The following PCSK5 variants were observed in gnomAD, a reference collection of about 807,000 sequenced individuals.
PCSK5 encodes the protein prohormone convertase 5.
Under a neutral mutation model 233.2 loss-of-function variants are expected in PCSK5, and 129 were observed. The observed-to-expected ratio is 0.55, with a 90% CI of 0.48 to 0.64. PCSK5 has a LOEUF of 0.64. Among genes scored for constraint, PCSK5 ranks in the 30% least tolerant of loss-of-function variants. PCSK5 has a pLI of 0.00. For synonymous variants in PCSK5, 825 were observed against 879.2 expected, an observed-to-expected ratio of 0.94 and a Z score of 1.09; for missense variants, 2,076 against 2,430.1, an observed-to-expected ratio of 0.85 and a Z score of 3.06.
intron 7 of PCSK5, among the ~76,000 whole-genome samples, chr9:76,089,033 C>G (rs918803914): frequency 1.3e-5 from 2 of 150,192 alleles, no homozygotes; most frequent in African/African-American, 4.9e-5. Context: ...TTCGGAAATG[C>G]TAGTCAGAAT....
At chr9:76,239,298 C>G in intron 23 of PCSK5, 133 bp downstream of exon 23, 1 of 683,550 alleles carries the variant, frequency 1.5e-6, no homozygotes, top group East Asian at 2.7e-5. Flanking sequence ...TGACTCCCAA[C>G]CCTAGTGGGG....
intron 2 of PCSK5, among the ~76,000 whole-genome samples, chr9:75,936,202 G>A (rs963271548): frequency 3.9e-5 from 6 of 152,176 alleles, no homozygotes; most frequent in African/African-American, 1.4e-4. Flanking sequence ...GGAGGGTTTT[G>A]CCTCAATGTT....
At chr9:76,351,485 A>AAAG (rs1279252564) in intron 36 of PCSK5, among the ~76,000 whole-genome samples, 10 of 97,668 alleles carry the variant, frequency 1.0e-4, no homozygotes, top group African/African-American at 3.5e-4. Flanking sequence ...AGAAAGAAAG[A>AAAG]AAGAAAGAAA....
At chr9:76,114,987 T>C (rs1228015530) in intron 9 of PCSK5, among the ~76,000 whole-genome samples, 1 of 152,070 alleles carries the variant, frequency 6.6e-6, no homozygotes, top group Non-Finnish European at 1.5e-5. Flanking sequence ...GAGAAGTGGG[T>C]AGATTTGATG....
chr9:76,338,231 T>G lies in PCSK5; in HGVS notation c.4750T>G (p.Tyr1584Asp). 6.2e-7 allele frequency: 1 copy of G among 1,609,494 alleles called. No homozygotes were observed. Among genetic ancestry groups the G allele is most frequent in the Non-Finnish European group, 8.5e-7 (1 of 1,177,788 alleles). ...KECLLQCREG[Y>D]YADNSTGRCE... is the part of the protein sequence containing the mutation. ...TCTTTTCTTCTCCTTTGGTTTCAGA[T>G]ATTACGCAGACAACTCCACTGGCCG... The change falls in exon 35 of 38, where the codon TAT becomes GAT. Residue 1584 changes from tyrosine to aspartate, a missense_variant and splice_region_variant. Coordinates refer to ENST00000674117, the MANE Select transcript of PCSK5 (RefSeq NM_001372043.1).
chr9:76,289,494 C>CACACACACACGCAACAT (rs1564159426), intron 24 of PCSK5, among the ~76,000 whole-genome samples: 3 of 128,054 alleles, frequency 2.3e-5, no homozygotes, highest in African/African-American at 9.4e-5. Flanking sequence ...CACACACACA[C>CACACACACACGCAACAT]ACACACACAC....
chr9:75,989,097 T>C (rs1826652584), intron 3 of PCSK5, among the ~76,000 whole-genome samples: 1 of 152,212 alleles, frequency 6.6e-6, no homozygotes. Context: ...GTTCCATACC[T>C]TATGCTTCTC....
At chr9:76,050,502 T>C (rs1829584714) in intron 5 of PCSK5, among the ~76,000 whole-genome samples, 1 of 152,228 alleles carries the variant, frequency 6.6e-6, no homozygotes, top group Non-Finnish European at 1.5e-5. Flanking sequence ...GTTCTAATTA[T>C]AAAATTTTCT....
chr9:76,288,850 C>A (rs1411445202), intron 24 of PCSK5, among the ~76,000 whole-genome samples: 1 of 152,204 alleles, frequency 6.6e-6, no homozygotes, highest in Non-Finnish European at 1.5e-5. Flanking sequence ...AAAATATCTC[C>A]TTTCCAATAC....
chr9:76,132,830 G>A (rs1421904797), intron 9 of PCSK5, among the ~76,000 whole-genome samples: 1 of 152,012 alleles, frequency 6.6e-6, no homozygotes, highest in Non-Finnish European at 1.5e-5. Context: ...AAATGAAGGA[G>A]CCAGAATCTG....
rs540994075 is a variant in PCSK5 at position 76,220,401 on chromosome 9, C to A, written c.2627-7102C>A. On this transcript the variant is annotated intron_variant, in intron 20 of 37. Coordinates refer to ENST00000674117, the MANE Select transcript of PCSK5 (RefSeq NM_001372043.1). ...AATCAGCTGGGCGTGGTGGTGGGCGCCTGTAGTCCCAGCTACTCGGAAGGC... is the reference window on the plus strand; with the variant it reads ...AATCAGCTGGGCGTGGTGGTGGGCGACTGTAGTCCCAGCTACTCGGAAGGC... Among the ~76,000 whole-genome samples, 126 of 151,912 alleles carry A rather than the reference C, an allele frequency of 8.3e-4. 1 individual carries two copies. In the Middle Eastern group the frequency reaches 0.014, roughly 16 times the overall value.
intron 2 of PCSK5, among the ~76,000 whole-genome samples, chr9:75,947,979 C>A (rs1285787181): frequency 1.3e-5 from 2 of 152,012 alleles, no homozygotes; most frequent in Non-Finnish European, 2.9e-5. Flanking sequence ...GGAGCTGGGA[C>A]CACAGGCACG....
At chr9:75,944,132 C>G (rs1229390332) in intron 2 of PCSK5, among the ~76,000 whole-genome samples, 2 of 151,530 alleles carry the variant, frequency 1.3e-5, no homozygotes, top group African/African-American at 2.4e-5. Flanking sequence ...CACTGCACTC[C>G]AGCCTGAGTG....
chr9:76,338,517 T>C, intron 35 of PCSK5, 70 bp downstream of exon 35: 1 of 1,124,948 alleles, frequency 8.9e-7, no homozygotes, highest in Non-Finnish European at 1.3e-6. Context: ...TATTTGCCCC[T>C]TTCTCTCTTC....
intron 7 of PCSK5, among the ~76,000 whole-genome samples, chr9:76,072,821 G>A (rs1830524871): frequency 6.6e-6 from 1 of 152,090 alleles, no homozygotes; most frequent in African/African-American, 2.4e-5. Flanking sequence ...ACCATCAAGC[G>A]CCAGCTAAAA....
chr9:75,931,929 CAT>C (rs1823822747), intron 1 of PCSK5, among the ~76,000 whole-genome samples: 1 of 152,186 alleles, frequency 6.6e-6, no homozygotes, highest in Non-Finnish European at 1.5e-5. Flanking sequence ...TTGCTTAAGA[CAT>C]ATTTCAAATT....
intron 4 of PCSK5, among the ~76,000 whole-genome samples, chr9:76,024,280 T>C (rs10781324): frequency 0.2 from 29,701 of 152,120 alleles, 2,976 homozygotes; most frequent in East Asian, 0.31. Context: ...GCCTCTTCTT[T>C]TTTTTAAAGG....
intron 27 of PCSK5, among the ~76,000 whole-genome samples, chr9:76,297,242 A>G (rs1309152027): frequency 6.6e-6 from 1 of 152,206 alleles, no homozygotes; most frequent in East Asian, 1.9e-4. Flanking sequence ...CTACGTCCTT[A>G]TTACATGTCC....
chr9:76,184,648 T>C, intron 16 of PCSK5, 25 bp from the exon 17 acceptor site: 3 of 1,514,218 alleles, frequency 2.0e-6, no homozygotes, highest in Non-Finnish European at 2.7e-6. Flanking sequence ...CCAACTGATT[T>C]ACAACTTTCT....
Sources: allele counts gnomAD v4.1 joint callset (sites outside exome capture counted in the v4.1 genomes callset), GRCh38; gene constraint gnomAD v4.1.1; transcripts MANE v1.5; gene names NCBI Gene and HGNC (gene_info 2026-07-23, HGNC 2026-07-21).